Variants in HNRNPUL2 observed in about 807,000 individuals in gnomAD.
HNRNPUL2 encodes heterogeneous nuclear ribonucleoprotein U like 2.
HNRNPUL2 carries 27 observed loss-of-function variants against 102.2 expected under a neutral mutation model. The ratio of observed to expected loss-of-function variants is 0.26; its 90% confidence interval spans 0.19 to 0.36. The LOEUF (loss-of-function observed/expected upper bound fraction) is 0.36, where lower values mean the gene tolerates loss of function less well. HNRNPUL2 is among the 10% of genes least tolerant of loss of function. The pLI is 1.00. For synonymous variants in HNRNPUL2, 458 were observed against 387.2 expected (o/e 1.18, Z -2.15); for missense variants, 936 against 981.1 (o/e 0.95, Z 0.61).
rs954879384 is a variant in HNRNPUL2 at position 62,712,869 on chromosome 11, T to C, written c.*2430A>G. ...TGTTTTTCTCACAAGCTTTCCTGTC[T>C]ACAACTACAACAGACGTCTGATAAA... On this transcript the variant is annotated 3_prime_UTR_variant, in exon 14 of 14. Transcript: ENST00000301785. 6.6e-6 allele frequency: 1 copy of C among 152,206 alleles called. No individual in the cohort carries two copies. The highest frequency in any genetic ancestry group is 1.5e-5 in the Non-Finnish European group (1 of 68,036). 9.4% of individuals were successfully genotyped at this position (152,206 alleles called of 1,614,324 possible).
chr11:62,715,823 T>A (rs2083655924), intron 12 of HNRNPUL2, 41 bp downstream of exon 12: 2 of 1,578,976 alleles, frequency 1.3e-6, no homozygotes, highest in African/African-American at 1.3e-5. Context: ...AGAATGGCTC[T>A]CACAGCCCAG....
chr11:62,716,007 C>A (rs911611923), intron 11 of HNRNPUL2, 70 bp from the exon 12 acceptor site: 34 of 1,293,298 alleles, frequency 2.6e-5, no homozygotes, highest in African/African-American at 4.5e-5. Context: ...GGGTGGAAAT[C>A]AAAAACTTGG....
Position 62,719,118 on chromosome 11 carries a change from G to A in HNRNPUL2, c.1780+905C>T, listed in dbSNP as rs554651601. Among the ~76,000 whole-genome samples the A allele has an allele frequency of 2.0e-4, 30 of 152,150 alleles. 1 individual carries two copies. In the South Asian group the frequency reaches 5.8e-3, roughly 29 times the overall value. On this transcript the variant is annotated intron_variant, in intron 10 of 13. Transcript: ENST00000301785. ...TGGGATTACAGGCGTCAGCCACCGC[G>A]CCTGGCTCACTATTTCCCTTTCTGT...
intron 4 of HNRNPUL2, among the ~76,000 whole-genome samples, chr11:62,723,139 G>T (rs1294139574): frequency 6.6e-6 from 1 of 152,234 alleles, no homozygotes; most frequent in Non-Finnish European, 1.5e-5. Context: ...TGATTGGACA[G>T]AAGTCCAGTA....
rs768251909 is a variant in HNRNPUL2 at position 62,721,359 on chromosome 11, G to A, written c.1547C>T (p.Ser516Phe). 6.2e-7 allele frequency: 1 copy of A among 1,610,808 alleles called. No individual in the cohort carries two copies. The highest frequency in any genetic ancestry group is 8.5e-7 in the Non-Finnish European group (1 of 1,178,914). The change falls in exon 9 of 14, where the codon TCC becomes TTC. Residue 516 changes from serine (S) to phenylalanine (F), a missense_variant. Ser to Phe is a radical substitution (Grantham distance 155). This residue lies in a region of HNRNPUL2 where 609 missense variants were observed against 713.0 expected (regional missense o/e 0.85). Coordinates refer to ENST00000301785, the MANE Select transcript of HNRNPUL2 (RefSeq NM_001079559.3). ...KSRDLLVQQA[S>F]QCLSKLVQIA... ...CTGGACCAGCTTACTAAGGCACTGGGAGGCTTGCTGAACTAAAAGGTCTCG... is the reference window on the plus strand; with the variant it reads ...CTGGACCAGCTTACTAAGGCACTGGAAGGCTTGCTGAACTAAAAGGTCTCG...
rs1480796971 is a variant in HNRNPUL2, at chr11:62,720,016, C to T, written c.1780+7G>A. 6.2e-7 allele frequency: 1 copy of T among 1,613,072 alleles called. No homozygotes were observed. The highest frequency in any genetic ancestry group is 1.3e-5 in the African/African-American group (1 of 74,896). ...TATAGCAGCAGAAAATGGACTAAGACACCCACCTTTCATCTCCAGCATTAT... is the reference window on the plus strand; with the variant it reads ...TATAGCAGCAGAAAATGGACTAAGATACCCACCTTTCATCTCCAGCATTAT... On this transcript the variant is annotated splice_region_variant and intron_variant, in intron 10 of 13. Coordinates refer to ENST00000301785, the MANE Select transcript of HNRNPUL2 (RefSeq NM_001079559.3).
intron 6 of HNRNPUL2, 63 bp from the exon 7 acceptor site, chr11:62,722,443 C>T: frequency 6.4e-7 from 1 of 1,561,516 alleles, no homozygotes; most frequent in South Asian, 1.2e-5. Context: ...TTAAACTTTA[C>T]AATTTATTCT....
chr11:62,722,033 G>A (rs2083706686), intron 7 of HNRNPUL2, 84 bp downstream of exon 7: 2 of 1,601,870 alleles, frequency 1.2e-6, no homozygotes, highest in East Asian at 2.2e-5. Flanking sequence ...ATTCCTGTTT[G>A]GTAACGCTCT....
At chr11:62,716,013 C>T in intron 11 of HNRNPUL2, 76 bp from the exon 12 acceptor site, 2 of 1,222,508 alleles carry the variant, frequency 1.6e-6, no homozygotes, top group East Asian at 2.5e-5. Flanking sequence ...AAATCAAAAA[C>T]TTGGAGCCAA....
At chr11:62,721,721 G>A (rs1195559188) in intron 8 of HNRNPUL2, 99 bp downstream of exon 8, 4 of 1,339,214 alleles carry the variant, frequency 3.0e-6, no homozygotes, top group Non-Finnish European at 4.1e-6. Context: ...TCTATTTCTG[G>A]GACCCTTGTT....
chr11:62,719,672 G>A (rs975542595), intron 10 of HNRNPUL2, among the ~76,000 whole-genome samples: 1 of 152,152 alleles, frequency 6.6e-6, no homozygotes, highest in Non-Finnish European at 1.5e-5. Context: ...GCTATGGTTT[G>A]AGTTATGTCC....
At chr11:62,715,791 C>A in intron 12 of HNRNPUL2, 73 bp downstream of exon 12, 1 of 1,428,058 alleles carries the variant, frequency 7.0e-7, no homozygotes. Context: ...ACAGGCAAAC[C>A]ACTCTGCTCC....
At chr11:62,721,238 G>C (rs2083700254) in intron 9 of HNRNPUL2, 57 bp downstream of exon 9, 5 of 1,475,802 alleles carry the variant, frequency 3.4e-6, no homozygotes, top group Non-Finnish European at 4.6e-6. Flanking sequence ...CCTTAATTCA[G>C]TCTCTCTTTA....
intron 11 of HNRNPUL2, 24 bp downstream of exon 11, chr11:62,716,965 G>C: frequency 6.2e-7 from 1 of 1,611,072 alleles, no homozygotes; most frequent in Non-Finnish European, 8.5e-7. Context: ...TGAAGTAGGG[G>C]GCTGGCAGGT....
intron 4 of HNRNPUL2, 24 bp downstream of exon 4, chr11:62,723,563 G>A: frequency 6.4e-7 from 1 of 1,573,428 alleles, no homozygotes. Flanking sequence ...ATGAATGAAT[G>A]AATGAATGGT....
rs1486622079 is a variant in HNRNPUL2 at position 62,726,797 on chromosome 11, C to A, written c.360G>T (p.Glu120Asp). 5 of 1,597,494 alleles carry A rather than the reference C, an allele frequency of 3.1e-6. No individual in the cohort carries two copies. Among genetic ancestry groups the A allele is most frequent in the Non-Finnish European group, 4.2e-6 (5 of 1,178,046 alleles). The stretch of plus-strand genomic sequence containing the variant: ...CGGAAGCATCTGGCTCGGCCGCGGC[C>A]TCCATGGCTGCCGCCTCCGGGGGCT... ...PPEPPEAAAM[E>D]AAAEPDASEK... is the part of the protein sequence containing the mutation. Residue 120 changes from glutamate (E) to aspartate (D), a missense_variant, in exon 1 of 14, where the codon GAG (glutamate) becomes GAT (aspartate). Physicochemically the swap from Glu to Asp is conservative, Grantham distance 45. This residue lies in a region of HNRNPUL2 where 327 missense variants were observed against 268.1 expected (regional missense o/e 1.22). Transcript: ENST00000301785.
chr11:62,727,396 G>A lies in HNRNPUL2; in HGVS notation c.-240C>T, dbSNP rs2083767003. 2.4e-6 allele frequency: 1 copy of A among 414,518 alleles called. No individual in the cohort carries two copies. Among genetic ancestry groups the A allele is most frequent in the Non-Finnish European group, 3.8e-6 (1 of 261,082 alleles). The allele number at this position is 414,518 out of a possible 1,614,324, so 25.7% of individuals were successfully genotyped here. A position where few individuals can be genotyped will look rare whatever the true frequency, so the allele number is the denominator to read the frequency against. On this transcript the variant is annotated 5_prime_UTR_variant, in exon 1 of 14. Coordinates refer to ENST00000301785, the MANE Select transcript of HNRNPUL2 (RefSeq NM_001079559.3). ...ACGGAGCCCAAAACAACGCAGCAGG[G>A]AGCTGTTTCCCCTCCAGGCCCTTGG...
At chr11:62,726,547 G>C in intron 1 of HNRNPUL2, 72 bp downstream of exon 1, 1 of 1,369,756 alleles carries the variant, frequency 7.3e-7, no homozygotes, top group Non-Finnish European at 9.6e-7. Context: ...CGGACCCTGC[G>C]GTGCAGGGCG....
chr11:62,723,439 C>T lies in HNRNPUL2; in HGVS notation c.891+148G>A, dbSNP rs556445738. 1.8e-5 allele frequency: 14 copies of T among 787,426 alleles called. No homozygotes were observed. In the Admixed American group the frequency reaches 3.1e-4, roughly 18 times the overall value. The allele number at this position is 787,426 out of a possible 1,614,324, so 48.8% of individuals were successfully genotyped here. A position where few individuals can be genotyped will look rare whatever the true frequency, so the allele number is the denominator to read the frequency against. On this transcript the variant is annotated intron_variant, in intron 4 of 13. Transcript: ENST00000301785. ...CCAGGAGGCAGAGGCTGTGGTGAGC[C>T]GAGATGGTGCCACTGGACTCCAGCC...
Sources: gnomAD v4.1 joint callset for allele counts (sites outside exome capture counted in the v4.1 genomes callset) on GRCh38, gnomAD v4.1.1 for gene constraint, gnomAD v4.1.1 regional missense constraint, MANE v1.5 for transcripts, NCBI Gene and HGNC (gene_info 2026-07-23, HGNC 2026-07-21) for gene names.